Variants in ANO7 observed in about 807,000 individuals in gnomAD.
ANO7 encodes anoctamin-7.
ANO7 carries 114 observed loss-of-function variants against 115.8 expected under a neutral mutation model. The observed-to-expected ratio is 0.98, with a 90% CI of 0.85 to 1.15. The LOEUF is 1.15. ANO7 is among the 50% of genes most tolerant of loss of function. The probability of loss-of-function intolerance (pLI) is 0.00; values close to 1 mark genes in which losing one functional copy is unlikely to be tolerated. For missense variants in ANO7, 1,302 were observed against 1,201.2 expected, an observed-to-expected ratio of 1.08 and a Z score of -1.24; for synonymous variants, 550 against 498.2, an observed-to-expected ratio of 1.10 and a Z score of -1.38.
chr2:241,232,081 G>A, the ANO7 span, among the ~76,000 whole-genome samples: 1 of 152,238 alleles, frequency 6.6e-6, no homozygotes, highest in Middle Eastern at 3.4e-3. Flanking sequence ...AAATGCCAGA[G>A]TGGGAGGCAG....
At chr2:241,219,753 T>A (rs1305230771) in intron 21 of ANO7, among the ~76,000 whole-genome samples, 1 of 150,542 alleles carries the variant, frequency 6.6e-6, no homozygotes, top group Non-Finnish European at 1.5e-5. Flanking sequence ...TTTTTTTTCT[T>A]TAAAGAGATG....
the ANO7 span, among the ~76,000 whole-genome samples, chr2:241,233,656 C>G: frequency 6.6e-6 from 1 of 152,136 alleles, no homozygotes; most frequent in Non-Finnish European, 1.5e-5. The surrounding 1 kb of genome is among the most constrained non-coding windows in gnomAD (Gnocchi z 4.3). Context: ...TGGCAAGTAC[C>G]GAGACACAGC....
the ANO7 span, among the ~76,000 whole-genome samples, chr2:241,237,453 A>T: frequency 1.3e-5 from 2 of 152,224 alleles, no homozygotes; most frequent in African/African-American, 4.8e-5. Context: ...TCACTAAGAC[A>T]GAACCCAGGA....
chr2:241,221,829 C>G (rs990907672), intron 21 of ANO7, among the ~76,000 whole-genome samples: 2 of 151,896 alleles, frequency 1.3e-5, no homozygotes, highest in Non-Finnish European at 2.9e-5. Context: ...AGGTGCCTGC[C>G]ACCATGCCCA....
Position 241,218,244 on chromosome 2 carries a change from C to T in ANO7, c.2184C>T (p.Phe728=), listed in dbSNP as rs368432955. ...CTGACCCCTCCGGCGCCCAGGCCTT[C>T]CTCCTGGCCTTCTCGTCCGACTTCC... The part of the protein sequence containing the change: ...LTHLAVISNA[F]LLAFSSDFLP... The change falls in exon 21 of 25, where the codon TTC becomes TTT. Residue 728 remains phenylalanine, a synonymous_variant. Transcript: ENST00000674324. 214 of 1,511,054 alleles carry T rather than the reference C, an allele frequency of 1.4e-4. No individual in the cohort carries two copies. The African/African-American group carries it at 2.9e-3, about 21-fold the overall frequency. 93.6% of individuals were successfully genotyped at this position (1,511,054 alleles called of 1,614,324 possible). A position where few individuals can be genotyped will look rare whatever the true frequency, so the allele number is the denominator to read the frequency against.
intron 17 of ANO7, among the ~76,000 whole-genome samples, chr2:241,214,178 G>A (rs995782883): frequency 6.6e-5 from 10 of 152,276 alleles, no homozygotes; most frequent in Middle Eastern, 6.8e-3. Flanking sequence ...TCAGCTACTC[G>A]GGAGGCTGAG....
rs1428389891 is a variant in ANO7 at position 241,199,317 on chromosome 2, A to C, written c.311A>C (p.Gln104Pro). The C allele has an allele frequency of 6.2e-7, 1 of 1,613,486 alleles. No individual in the cohort carries two copies. The highest frequency in any genetic ancestry group is 8.5e-7 in the Non-Finnish European group (1 of 1,179,884). The change falls in exon 5 of 25, where the codon CAG becomes CCG. Residue 104 changes from glutamine (Q) to proline (P), a missense_variant and splice_region_variant. Gln to Pro is a moderately conservative substitution (Grantham distance 76). Transcript: ENST00000674324. The stretch of plus-strand genomic sequence containing the variant: ...TCACGGAGCCCTGGGTGCCTACAGC[A>C]GGACGTCCAGGACGGGAACACCACA... The part of the protein sequence containing the change: ...LRAAGLCVDQ[Q>P]DVQDGNTTVH...
At chr2:241,199,940 T>C (rs969889592) in intron 5 of ANO7, 149 bp from the exon 6 acceptor site, 2 of 862,550 alleles carry the variant, frequency 2.3e-6, no homozygotes, top group Non-Finnish European at 3.5e-6. Flanking sequence ...GGGGCTCACC[T>C]GGGCCCTCAC....
rs200566727 is a variant in ANO7, at chr2:241,223,676, C to T, written c.2427C>T (p.Ser809=). ...FVIVFEHVVF[S]VGRLLDLLVP... The stretch of plus-strand genomic sequence containing the variant: ...TCTGCTCCCAGCATGTGGTTTTCTC[C>T]GTTGGCCGCCTCCTGGACCTCCTGG... The change falls in exon 23 of 25, where the codon TCC becomes TCT. Residue 809 remains serine, a synonymous_variant. Coordinates refer to ENST00000674324, the MANE Select transcript of ANO7 (RefSeq NM_001370694.2). 47 of 1,613,014 alleles carry T rather than the reference C, an allele frequency of 2.9e-5. No individual in the cohort carries two copies. The highest frequency in any genetic ancestry group is 5.0e-5 in the Admixed American group (3 of 59,852).
In ANO7 at chr2:241,199,557, C is replaced by A. The variant is rs1011330830; in HGVS notation, c.417+134C>A. 8.4e-6 allele frequency: 7 copies of A among 831,938 alleles called. No homozygotes were observed. In the African/African-American group the frequency reaches 1.2e-4, roughly 14 times the overall value. 51.5% of individuals were successfully genotyped at this position (831,938 alleles called of 1,614,324 possible). Reference sequence around the variant, plus strand: ...CAGGGGCTCCTCCTACCCACCCCGACACCAGGCCCCAAGAAACCTCACTGG... The same window carrying A: ...CAGGGGCTCCTCCTACCCACCCCGAAACCAGGCCCCAAGAAACCTCACTGG... On this transcript the variant is annotated intron_variant, in intron 5 of 24. Coordinates refer to ENST00000674324, the MANE Select transcript of ANO7 (RefSeq NM_001370694.2).
In ANO7 at chr2:241,224,245, G is replaced by T. The variant is rs1277120794; in HGVS notation, c.*92G>T. The T allele has an allele frequency of 4.3e-6, 6 of 1,410,558 alleles. No individual in the cohort carries two copies. Among genetic ancestry groups the T allele is most frequent in the Admixed American group, 1.9e-5 (1 of 53,374 alleles). 87.4% of individuals were successfully genotyped at this position (1,410,558 alleles called of 1,614,324 possible). A position where few individuals can be genotyped will look rare whatever the true frequency, so the allele number is the denominator to read the frequency against. ...TTTCCTCTTCCCTCAGGCAGCGGCTGTGTGAACCGCTGGCTGCTGTTGTGC... is the reference window on the plus strand; with the variant it reads ...TTTCCTCTTCCCTCAGGCAGCGGCTTTGTGAACCGCTGGCTGCTGTTGTGC... On this transcript the variant is annotated 3_prime_UTR_variant, in exon 25 of 25. Coordinates refer to ENST00000674324, the MANE Select transcript of ANO7 (RefSeq NM_001370694.2).
chr2:241,208,953 T>G (rs575561984), intron 11 of ANO7, among the ~76,000 whole-genome samples: 3 of 152,016 alleles, frequency 2.0e-5, no homozygotes, highest in Non-Finnish European at 4.4e-5. Context: ...ATCGAGACCA[T>G]CCTGGCTAAC....
chr2:241,219,367 A>G (rs1273804166), intron 21 of ANO7, among the ~76,000 whole-genome samples: 1 of 152,126 alleles, frequency 6.6e-6, no homozygotes, highest in African/African-American at 2.4e-5. Flanking sequence ...GTACGAATTC[A>G]TACTTGTGAT....
At chr2:241,220,575 T>C (rs1187011389) in intron 21 of ANO7, among the ~76,000 whole-genome samples, 1 of 152,226 alleles carries the variant, frequency 6.6e-6, no homozygotes, top group African/African-American at 2.4e-5. Context: ...CTCATGCCTA[T>C]GTTCCCAGCA....
At position 241,225,805 on chromosome 2, in the gene ANO7, C is replaced by G. The variant is rs573740329; in HGVS notation, c.*1652C>G. 4.6e-5 allele frequency among the ~76,000 whole-genome samples: 7 copies of G among 152,158 alleles called. No homozygotes were observed. In the South Asian group the frequency reaches 1.4e-3, roughly 32 times the overall value. ...CGCCCTGGGGCTGGACACCACCGGC[C>G]GGAGCATGGCGGACAGCACACACGG... On this transcript the variant is annotated 3_prime_UTR_variant, in exon 25 of 25. Transcript: ENST00000674324.
In ANO7 at chr2:241,217,626, C is replaced by T. The variant is rs535890617; in HGVS notation, c.1973-60C>T. The T allele has an allele frequency of 2.6e-3, 3,910 of 1,516,924 alleles. 13 individuals carry two copies. The highest frequency in any genetic ancestry group is 3.1e-3 in the Non-Finnish European group (3,451 of 1,127,366). 94.0% of individuals were successfully genotyped at this position (1,516,924 alleles called of 1,614,324 possible). Reference sequence around the variant, plus strand: ...ACTGGCCGGTCCTCCGCGGGGGGCGCGTTCCGAGGGCTGAGGGCGGACGGT... The same window carrying T: ...ACTGGCCGGTCCTCCGCGGGGGGCGTGTTCCGAGGGCTGAGGGCGGACGGT... On this transcript the variant is annotated intron_variant, in intron 19 of 24. Transcript: ENST00000674324.
downstream of ANO7, chr2:241,227,390 T>C (rs1308558713): frequency 6.6e-6 from 1 of 152,528 alleles, no homozygotes; most frequent in Non-Finnish European, 1.5e-5. Context: ...ATTCCAAAGT[T>C]AAGGCCAAGG....
rs2068907539 is a variant in ANO7 at position 241,218,207 on chromosome 2, G to A, written c.2179-32G>A. 3.7e-6 allele frequency: 5 copies of A among 1,352,966 alleles called. No individual in the cohort carries two copies. The Admixed American group carries it at 1.4e-4, about 39-fold the overall frequency. The allele number at this position is 1,352,966 out of a possible 1,614,324, so 83.8% of individuals were successfully genotyped here. ...CGGGGGCGCGCAGGGGCGGAGCGGGGGCCGCCTCGCGCTGACCCCTCCGGC... is the reference window on the plus strand; with the variant it reads ...CGGGGGCGCGCAGGGGCGGAGCGGGAGCCGCCTCGCGCTGACCCCTCCGGC... On this transcript the variant is annotated intron_variant, in intron 20 of 24. Transcript: ENST00000674324.
At position 241,223,189 on chromosome 2, in the gene ANO7, TCGGG is replaced by T. The variant is rs1559459520; in HGVS notation, c.2327_2330del (p.Arg776LeufsTer53). ...CTGAGTCCTGTGTCTGCTGCAGGTATCGGGCTTTCCGGGATGACGATGGACATTA... is the reference window on the plus strand; with the variant it reads ...CTGAGTCCTGTGTCTGCTGCAGGTATCTTTCCGGGATGACGATGGACATTA... On this transcript the variant is annotated frameshift_variant, in exon 22 of 25. Transcript: ENST00000674324. LOFTEE classifies it high-confidence loss of function. The T allele has an allele frequency of 6.2e-7, 1 of 1,614,018 alleles. No individual in the cohort carries two copies. Among genetic ancestry groups the T allele is most frequent in the Non-Finnish European group, 8.5e-7 (1 of 1,179,978 alleles).
Sources: gnomAD v4.1 joint callset for allele counts (sites outside exome capture counted in the v4.1 genomes callset) on GRCh38, gnomAD v4.1.1 for gene constraint, Gnocchi (gnomAD v3.1) non-coding constraint, MANE v1.5 for transcripts, NCBI Gene and HGNC (gene_info 2026-07-23, HGNC 2026-07-21) for gene names.